SRPK2: variants seen among roughly 807,000 people sequenced by gnomAD.
The protein encoded by SRPK2 is SFRS protein kinase 2.
In SRPK2, 21 loss-of-function variants were observed where a neutral mutation model predicts 90.8. The ratio of observed to expected loss-of-function variants is 0.23; its 90% confidence interval spans 0.16 to 0.33. SRPK2 has a LOEUF of 0.33. Among genes scored for constraint, SRPK2 ranks in the 10% least tolerant of loss-of-function variants. SRPK2 has a pLI of 1.00. For missense variants in SRPK2, 620 were observed against 869.0 expected (o/e 0.71, Z 3.60); for synonymous variants, 288 against 311.1 (o/e 0.93, Z 0.78).
chr7:105,148,970 C>A (rs1455911936), intron 7 of SRPK2, among the ~76,000 whole-genome samples: 1 of 152,216 alleles, frequency 6.6e-6, no homozygotes, highest in Non-Finnish European at 1.5e-5. Context: ...TGGAAAGCTG[C>A]AGGGACCTCT....
intron 2 of SRPK2, among the ~76,000 whole-genome samples, chr7:105,364,731 T>C (rs1198105557): frequency 2.0e-5 from 3 of 152,086 alleles, no homozygotes; most frequent in South Asian, 2.1e-4. Context: ...GGCTCCCTGA[T>C]GTAGAAGCTA....
At chr7:105,331,852 C>A (rs533418657) in intron 2 of SRPK2, among the ~76,000 whole-genome samples, 1 of 152,116 alleles carries the variant, frequency 6.6e-6, no homozygotes, top group Non-Finnish European at 1.5e-5. Context: ...TCAAAGCTGA[C>A]GACAGAAGGA....
chr7:105,277,720 G>T (rs144917760), intron 2 of SRPK2, among the ~76,000 whole-genome samples: 221 of 152,210 alleles, frequency 1.5e-3, no homozygotes, highest in African/African-American at 5.0e-3. Context: ...TTGGTAAACT[G>T]AACATTCAAA....
chr7:105,375,983 CTTTTTTTTT>C (rs34445430), intron 2 of SRPK2, among the ~76,000 whole-genome samples: 11 of 63,176 alleles, frequency 1.7e-4, no homozygotes, highest in South Asian at 1.4e-3. Context: ...GAATTCATTT[CTTTTTTTTT>C]TTTTTTTTTT....
chr7:105,209,207 G>T (rs1218406935), intron 2 of SRPK2, among the ~76,000 whole-genome samples: 2 of 152,120 alleles, frequency 1.3e-5, no homozygotes, highest in African/African-American at 4.8e-5. Context: ...TTTAAACAAG[G>T]TGCTAATTTA....
intron 2 of SRPK2, among the ~76,000 whole-genome samples, chr7:105,333,547 G>A (rs937556800): frequency 2.0e-5 from 3 of 152,158 alleles, no homozygotes; most frequent in African/African-American, 4.8e-5. Context: ...AATGAAAACT[G>A]CTAATATTAC....
chr7:105,275,859 A>C (rs1261806572), intron 2 of SRPK2, among the ~76,000 whole-genome samples: 1 of 152,218 alleles, frequency 6.6e-6, no homozygotes, highest in Non-Finnish European at 1.5e-5. Context: ...TTTGTCATTC[A>C]GATCACTAAA....
At chr7:105,364,597 T>C (rs986506536) in intron 2 of SRPK2, among the ~76,000 whole-genome samples, 8 of 151,960 alleles carry the variant, frequency 5.3e-5, no homozygotes, top group African/African-American at 1.9e-4. Context: ...AGAGACGGGG[T>C]TTCACTATGT....
chr7:105,237,554 C>A (rs951177091), intron 2 of SRPK2, among the ~76,000 whole-genome samples: 1 of 152,202 alleles, frequency 6.6e-6, no homozygotes, highest in Non-Finnish European at 1.5e-5. Context: ...CTAAAAGGAA[C>A]TCTAAATACT....
At chr7:105,121,639 C>T (rs1368280446) in intron 15 of SRPK2, among the ~76,000 whole-genome samples, 1 of 152,132 alleles carries the variant, frequency 6.6e-6, no homozygotes, top group Admixed American at 6.6e-5. Context: ...TCTGAATTTG[C>T]TCTGAGAAAC....
At chr7:105,225,045 A>C (rs1798547495) in intron 2 of SRPK2, among the ~76,000 whole-genome samples, 1 of 152,152 alleles carries the variant, frequency 6.6e-6, no homozygotes, top group Non-Finnish European at 1.5e-5. Context: ...AAAAACTGTA[A>C]GCCAGGCGCA....
rs1158350206 is a variant in SRPK2 at position 105,280,947 on chromosome 7, C to CAAAAAAAA, written c.72-77170_72-77163dup. ...GGGCGACAGAGCGAAGACTCCATCT[C>CAAAAAAAA]AAAAAAAAAAAAAAAAAAAAAAAAA... On this transcript the variant is annotated intron_variant, in intron 2 of 15. Coordinates refer to ENST00000393651, the MANE Select transcript of SRPK2 (RefSeq NM_182692.3). Among the ~76,000 whole-genome samples, 22 of 43,326 alleles carry CAAAAAAAA rather than the reference C, an allele frequency of 5.1e-4. 2 individuals carry two copies. The highest frequency in any genetic ancestry group is 9.3e-4 in the African/African-American group (8 of 8,636). The allele number at this position is 43,326 out of a possible 152,430, so 28.4% of individuals were successfully genotyped here. A position where few individuals can be genotyped will look rare whatever the true frequency, so the allele number is the denominator to read the frequency against.
chr7:105,178,931 G>C (rs947640854), intron 3 of SRPK2, among the ~76,000 whole-genome samples: 24 of 152,014 alleles, frequency 1.6e-4, no homozygotes, highest in African/African-American at 5.6e-4. Flanking sequence ...CACCACAGAA[G>C]AAACACTAAT....
intron 2 of SRPK2, among the ~76,000 whole-genome samples, chr7:105,217,233 T>G (rs188003077): frequency 6.6e-6 from 1 of 152,298 alleles, no homozygotes; most frequent in African/African-American, 2.4e-5. Context: ...AGTTAAGAGA[T>G]TTCTTGAGAA....
chr7:105,187,132 TTA>T (rs1302595660), intron 3 of SRPK2, among the ~76,000 whole-genome samples: 1 of 152,210 alleles, frequency 6.6e-6, no homozygotes, highest in Non-Finnish European at 1.5e-5. Context: ...TGAGGATAAT[TTA>T]TTATACAACA....
rs973749137 is a variant in SRPK2 at position 105,388,907 on chromosome 7, A to C, written c.-101T>G. The C allele has an allele frequency of 8.2e-7, 1 of 1,224,550 alleles. No individual in the cohort carries two copies. The highest frequency in any genetic ancestry group is 1.0e-6 in the Non-Finnish European group (1 of 986,144). The allele number at this position is 1,224,550 out of a possible 1,614,324, so 75.9% of individuals were successfully genotyped here. ...CACTCGCTCCGCCGGCCGGGAGGAG[A>C]CGAGAACCGCGCCTGCGCCGCCGCC... is the stretch of plus-strand genomic sequence containing the variant. On this transcript the variant is annotated 5_prime_UTR_variant, in exon 1 of 16. Transcript: ENST00000393651.
chr7:105,310,403 T>C (rs923470397), intron 2 of SRPK2, among the ~76,000 whole-genome samples: 2 of 152,018 alleles, frequency 1.3e-5, no homozygotes, highest in Non-Finnish European at 2.9e-5. Flanking sequence ...TATGAAAAAA[T>C]AGGCTGGGCG....
chr7:105,367,943 A>G (rs2132388497), intron 2 of SRPK2, among the ~76,000 whole-genome samples: 1 of 152,344 alleles, frequency 6.6e-6, no homozygotes, highest in South Asian at 2.1e-4. Context: ...CCACAGGACA[A>G]ACACATGTTG....
chr7:105,154,504 T>G (rs1050624747), intron 7 of SRPK2, among the ~76,000 whole-genome samples: 2 of 152,052 alleles, frequency 1.3e-5, no homozygotes, highest in Non-Finnish European at 2.9e-5. Flanking sequence ...AAATACTAAG[T>G]GTAGAGAGAC....
Sources: allele counts gnomAD v4.1 joint callset (sites outside exome capture counted in the v4.1 genomes callset), GRCh38; gene constraint gnomAD v4.1.1; transcripts MANE v1.5; gene names NCBI Gene and HGNC (gene_info 2026-07-23, HGNC 2026-07-21).